The following EFEMP1 variants were observed in gnomAD, a reference collection of about 807,000 sequenced individuals.
The protein encoded by EFEMP1 is EGF-containing fibulin-like extracellular matrix protein 1.
Under a neutral mutation model 65.7 loss-of-function variants are expected in EFEMP1, and 18 were observed. The ratio of observed to expected loss-of-function variants is 0.27; its 90% CI spans 0.19 to 0.41. The LOEUF (loss-of-function observed/expected upper bound fraction) is 0.41, where lower values mean the gene tolerates loss of function less well. EFEMP1 is among the 10% of genes least tolerant of loss of function. The pLI, the probability that EFEMP1 is intolerant of heterozygous loss-of-function variation, is 1.00. For missense variants in EFEMP1, 469 were observed against 624.8 expected, an observed-to-expected ratio of 0.75 and a Z score of 2.66; for synonymous variants, 237 against 219.7, an observed-to-expected ratio of 1.08 and a Z score of -0.70.
Position 55,913,778 on chromosome 2 carries a change from G to A in EFEMP1, c.517+3887C>T, listed in dbSNP as rs141935461. Among the ~76,000 whole-genome samples the A allele has an allele frequency of 8.5e-5, 13 of 152,254 alleles. No individual in the cohort carries two copies. In the East Asian group the frequency reaches 2.5e-3, roughly 29 times the overall value. On this transcript the variant is annotated intron_variant, in intron 5 of 11. Coordinates refer to ENST00000355426, the MANE Select transcript of EFEMP1 (RefSeq NM_001039348.3). ...TAACACCAGCACTTTGGGAGGCTGA[G>A]GTGGGCACATCATCTGAGGTCAGGA...
intron 5 of EFEMP1, among the ~76,000 whole-genome samples, chr2:55,887,364 C>A (rs1391313485): frequency 6.6e-6 from 1 of 152,114 alleles, no homozygotes; most frequent in Non-Finnish European, 1.5e-5. Context: ...TGTCACAGCA[C>A]CTTGATTCCT....
At chr2:55,868,659 A>T (rs1354581765) in intron 11 of EFEMP1, among the ~76,000 whole-genome samples, 1 of 152,144 alleles carries the variant, frequency 6.6e-6, no homozygotes, top group Non-Finnish European at 1.5e-5. Flanking sequence ...TGATTTTTTG[A>T]TGTATCTGGA....
chr2:55,915,280 G>T (rs754972988), intron 5 of EFEMP1, among the ~76,000 whole-genome samples: 1 of 152,090 alleles, frequency 6.6e-6, no homozygotes, highest in Non-Finnish European at 1.5e-5. Flanking sequence ...TAACCTGTGT[G>T]CACACAGTCA....
chr2:55,869,927 G>A (rs1325885404), intron 11 of EFEMP1, among the ~76,000 whole-genome samples: 2 of 152,056 alleles, frequency 1.3e-5, no homozygotes, highest in Non-Finnish European at 2.9e-5. Flanking sequence ...TTGGGGTCAG[G>A]GAGACCAGCT....
intron 3 of EFEMP1, among the ~76,000 whole-genome samples, chr2:55,920,571 CA>C (rs1348113866): frequency 1.3e-5 from 2 of 152,126 alleles, no homozygotes; most frequent in Admixed American, 6.6e-5. Context: ...TCAAGCCAGG[CA>C]AAAATGGCAG....
chr2:55,899,386 A>G (rs2104422061), intron 5 of EFEMP1, among the ~76,000 whole-genome samples: 1 of 152,370 alleles, frequency 6.6e-6, no homozygotes, highest in Non-Finnish European at 1.5e-5. Flanking sequence ...TGTTAATTGA[A>G]TGCATTGATG....
Position 55,918,275 on chromosome 2 carries a change from G to T in EFEMP1, c.82-8C>A. 1 of 1,614,168 alleles carries T rather than the reference G, an allele frequency of 6.2e-7. No individual in the cohort carries two copies. Among genetic ancestry groups the T allele is most frequent in the Non-Finnish European group, 8.5e-7 (1 of 1,180,036 alleles). ...ATATCCGTCAGTGCATTGCTGTGAA[G>T]AAAACATCAAAGGTGGGGCCAGGAG... On this transcript the variant is annotated splice_polypyrimidine_tract_variant and splice_region_variant and intron_variant, in intron 3 of 11. Transcript: ENST00000355426.
At chr2:55,884,577 C>T (rs1053623128) in intron 5 of EFEMP1, among the ~76,000 whole-genome samples, 3 of 152,216 alleles carry the variant, frequency 2.0e-5, no homozygotes, top group African/African-American at 4.8e-5. Flanking sequence ...TTGTAGGTAT[C>T]TCCATGGTGT....
rs181823941 is a variant in EFEMP1 at position 55,866,377 on chromosome 2, G to C, written c.*696C>G. Reference sequence around the variant, plus strand: ...TTTATTTTCTCATATCCTCCCCATAGATTTCTCAATAGTATAATTTTCTAG... The same window carrying C: ...TTTATTTTCTCATATCCTCCCCATACATTTCTCAATAGTATAATTTTCTAG... On this transcript the variant is annotated 3_prime_UTR_variant, in exon 12 of 12. Transcript: ENST00000355426. 1 of 152,240 alleles carries C rather than the reference G, an allele frequency of 6.6e-6. No homozygotes were observed. The highest frequency in any genetic ancestry group is 1.9e-4 in the East Asian group (1 of 5,182). 9.4% of individuals were successfully genotyped at this position (152,240 alleles called of 1,614,324 possible). A position where few individuals can be genotyped will look rare whatever the true frequency, so the allele number is the denominator to read the frequency against.
intron 5 of EFEMP1, among the ~76,000 whole-genome samples, chr2:55,888,263 G>T (rs1391142783): frequency 3.3e-5 from 5 of 149,792 alleles, no homozygotes; most frequent in African/African-American, 1.2e-4. Context: ...ATTGTTAATT[G>T]TTAGGAGTAT....
intron 5 of EFEMP1, among the ~76,000 whole-genome samples, chr2:55,904,303 T>C (rs1054678598): frequency 2.6e-5 from 4 of 152,218 alleles, no homozygotes; most frequent in South Asian, 4.1e-4. Flanking sequence ...AATTGACCAA[T>C]AGGCAAGCAA....
In EFEMP1 at chr2:55,883,323, G is replaced by T. The variant is rs1669313103; in HGVS notation, c.518-1589C>A. On this transcript the variant is annotated intron_variant, in intron 5 of 11. Coordinates refer to ENST00000355426, the MANE Select transcript of EFEMP1 (RefSeq NM_001039348.3). This position sits in a 1 kb window ranked among gnomAD's most constrained non-coding sequence, Gnocchi z 4.5. ...AGTGATTACAAACTGTCCTTTTTAG[G>T]TACTATGCGATGGTGCAACAATCCT... Among the ~76,000 whole-genome samples the T allele has an allele frequency of 6.6e-6, 1 of 152,010 alleles. No homozygotes were observed. Among genetic ancestry groups the T allele is most frequent in the South Asian group, 2.1e-4 (1 of 4,816 alleles).
In EFEMP1 at chr2:55,921,446, A is replaced by C. The variant is rs1423491023; in HGVS notation, c.81+914T>G. On this transcript the variant is annotated intron_variant, in intron 3 of 11. Transcript: ENST00000355426. This position sits in a 1 kb window ranked among gnomAD's most constrained non-coding sequence, Gnocchi z 4.1. Reference sequence around the variant, plus strand: ...AGAGTTTTCTTTTCAAAAATTTTTCACATTCTTTCGAGTAGGATTACTTAA... The same window carrying C: ...AGAGTTTTCTTTTCAAAAATTTTTCCCATTCTTTCGAGTAGGATTACTTAA... Among the ~76,000 whole-genome samples the C allele has an allele frequency of 1.3e-5, 2 of 152,200 alleles. No individual in the cohort carries two copies. The highest frequency in any genetic ancestry group is 2.9e-5 in the Non-Finnish European group (2 of 68,028).
chr2:55,875,131 T>C, intron 8 of EFEMP1, 66 bp from the exon 9 acceptor site: 2 of 653,530 alleles, frequency 3.1e-6, no homozygotes, highest in Non-Finnish European at 4.2e-6. Flanking sequence ...TTTGGATATA[T>C]ATATATATAT....
intron 3 of EFEMP1, 133 bp from the exon 4 acceptor site, chr2:55,918,400 G>T (rs1396295675): frequency 5.6e-6 from 6 of 1,064,416 alleles, no homozygotes; most frequent in Non-Finnish European, 8.7e-6. Context: ...TGATGAGATG[G>T]GTGGTTTAAC....
At chr2:55,902,665 T>C (rs1215981047) in intron 5 of EFEMP1, among the ~76,000 whole-genome samples, 1 of 152,146 alleles carries the variant, frequency 6.6e-6, no homozygotes, top group Non-Finnish European at 1.5e-5. Context: ...AGCAAACAAC[T>C]AGTAGTAGGT....
chr2:55,923,759 A>G lies in EFEMP1; in HGVS notation c.-97T>C, dbSNP rs1263292601. On this transcript the variant is annotated 5_prime_UTR_variant, in exon 1 of 12. Transcript: ENST00000355426. This position sits in a 1 kb window ranked among gnomAD's most constrained non-coding sequence, Gnocchi z 5.3. Reference sequence around the variant, plus strand: ...GGCCCGGGCAGCGAGGGGAGTGCGCAGGGGAGGGCAGCCCCGTGGGTCTGA... The same window carrying G: ...GGCCCGGGCAGCGAGGGGAGTGCGCGGGGGAGGGCAGCCCCGTGGGTCTGA... The G allele has an allele frequency of 1.0e-6, 1 of 985,608 alleles. No individual in the cohort carries two copies. The highest frequency in any genetic ancestry group is 1.2e-6 in the Non-Finnish European group (1 of 830,356). 61.1% of individuals were successfully genotyped at this position (985,608 alleles called of 1,614,324 possible).
At chr2:55,912,921 G>T (rs1670533132) in intron 5 of EFEMP1, among the ~76,000 whole-genome samples, 1 of 152,128 alleles carries the variant, frequency 6.6e-6, no homozygotes, top group South Asian at 2.1e-4. Flanking sequence ...AACTAAGTGT[G>T]CAGGTTCTAA....
At chr2:55,868,889 C>T (rs994234199) in intron 11 of EFEMP1, among the ~76,000 whole-genome samples, 3 of 152,068 alleles carry the variant, frequency 2.0e-5, no homozygotes, top group Admixed American at 1.3e-4. Flanking sequence ...GTTTCAATGC[C>T]CTCTGCACAA....
Sources: allele counts gnomAD v4.1 joint callset (sites outside exome capture counted in the v4.1 genomes callset), GRCh38; gene constraint gnomAD v4.1.1; non-coding constraint Gnocchi (gnomAD v3.1); transcripts MANE v1.5; gene names NCBI Gene and HGNC (gene_info 2026-07-23, HGNC 2026-07-21).